Variants in GPC6 observed in about 807,000 individuals in gnomAD.
GPC6 encodes glypican-6.
GPC6 carries 14 observed loss-of-function variants against 55.2 expected under a neutral mutation model. That is an observed-to-expected ratio of 0.25 (90% CI 0.17 to 0.40). GPC6 has a LOEUF of 0.40. Among genes scored for constraint, GPC6 ranks in the 10% least tolerant of loss-of-function variants. The pLI, the probability that GPC6 is intolerant of heterozygous loss-of-function variation, is 1.00. For missense variants in GPC6, 641 were observed against 708.5 expected (o/e 0.90, Z 1.08); for synonymous variants, 278 against 259.6 (o/e 1.07, Z -0.68).
chr13:93,232,556 T>C (rs544201598), intron 1 of GPC6, among the ~76,000 whole-genome samples: 3 of 152,316 alleles, frequency 2.0e-5, no homozygotes, highest in African/African-American at 7.2e-5. Flanking sequence ...TTGAGTTGAC[T>C]GATATACTTT....
intron 1 of GPC6, among the ~76,000 whole-genome samples, chr13:93,460,155 T>C (rs1386791891): frequency 6.6e-6 from 1 of 152,228 alleles, no homozygotes; most frequent in East Asian, 1.9e-4. Context: ...TTAAAGTCAT[T>C]CTGCCCAGTT....
At chr13:94,236,798 A>G (rs1207431457) in intron 4 of GPC6, among the ~76,000 whole-genome samples, 1 of 152,110 alleles carries the variant, frequency 6.6e-6, no homozygotes, top group Non-Finnish European at 1.5e-5. Context: ...CTGAGGTAGA[A>G]AAAGTGAGGC....
rs115199319 is a variant in GPC6 at position 93,503,287 on chromosome 13, T to C, written c.161-41976T>C. Among the ~76,000 whole-genome samples the C allele has an allele frequency of 8.9e-3, 1,356 of 152,264 alleles. 24 individuals carry two copies. Among genetic ancestry groups the C allele is most frequent in the African/African-American group, 0.03 (1,251 of 41,542 alleles). ...CTTTGTTGTCTCACACAAGTTTATT[T>C]CTTGCTCACACAAGTTATTTGTTGC... On this transcript the variant is annotated intron_variant, in intron 1 of 8. Transcript: ENST00000377047.
intron 2 of GPC6, among the ~76,000 whole-genome samples, chr13:93,761,868 A>G (rs1489186693): frequency 1.3e-5 from 2 of 152,256 alleles, no homozygotes; most frequent in Admixed American, 6.5e-5. Flanking sequence ...TTTTTTTGTG[A>G]TGAGAACATT....
At chr13:94,182,191 T>A (rs1206121570) in intron 4 of GPC6, among the ~76,000 whole-genome samples, 1 of 150,802 alleles carries the variant, frequency 6.6e-6, no homozygotes, top group African/African-American at 2.4e-5. Flanking sequence ...TGGAGTAACT[T>A]AGGTCTCAGA....
chr13:93,428,486 A>G (rs1474965479), intron 1 of GPC6, among the ~76,000 whole-genome samples: 1 of 152,114 alleles, frequency 6.6e-6, no homozygotes, highest in Non-Finnish European at 1.5e-5. Flanking sequence ...TTAGAATATC[A>G]TCTGTTGAAA....
chr13:94,177,004 G>A lies in GPC6; in HGVS notation c.878-109345G>A, dbSNP rs1253262116. Among the ~76,000 whole-genome samples, 4 of 152,134 alleles carry A rather than the reference G, an allele frequency of 2.6e-5. No homozygotes were observed. In the East Asian group the frequency reaches 7.7e-4, roughly 29 times the overall value. ...AAATGCTTTAAAACTATTTTTAAAA[G>A]ACAGAAAAATGAGAATAAACTTGCA... is the stretch of plus-strand genomic sequence containing the variant. On this transcript the variant is annotated intron_variant, in intron 4 of 8. Transcript: ENST00000377047.
intron 3 of GPC6, among the ~76,000 whole-genome samples, chr13:93,841,356 G>A (rs1175350298): frequency 6.6e-6 from 1 of 152,118 alleles, no homozygotes; most frequent in African/African-American, 2.4e-5. Flanking sequence ...AAAGAGGGGG[G>A]TATGTTATTA....
At chr13:93,483,785 T>C (rs528388474) in intron 1 of GPC6, among the ~76,000 whole-genome samples, 1 of 152,282 alleles carries the variant, frequency 6.6e-6, no homozygotes, top group African/African-American at 2.4e-5. Context: ...TGCATTGTGC[T>C]ATTAGCCCAC....
intron 1 of GPC6, among the ~76,000 whole-genome samples, chr13:93,421,405 A>G (rs1451603923): frequency 2.0e-5 from 3 of 151,670 alleles, no homozygotes; most frequent in Admixed American, 2.0e-4. Flanking sequence ...CATTATTGTT[A>G]TTTTGTTTTA....
chr13:94,293,250 A>G (rs545824599), intron 5 of GPC6, among the ~76,000 whole-genome samples: 1 of 152,294 alleles, frequency 6.6e-6, no homozygotes, highest in African/African-American at 2.4e-5. Flanking sequence ...CCCAAATGTC[A>G]TCTCTGAATT....
intron 3 of GPC6, among the ~76,000 whole-genome samples, chr13:93,839,659 G>C (rs1190295475): frequency 1.3e-5 from 2 of 152,038 alleles, no homozygotes; most frequent in Non-Finnish European, 2.9e-5. Context: ...GATACCATGG[G>C]CCCAACTTGA....
At chr13:93,314,107 G>A (rs1594090433) in intron 1 of GPC6, among the ~76,000 whole-genome samples, 1 of 152,072 alleles carries the variant, frequency 6.6e-6, no homozygotes, top group Admixed American at 6.6e-5. Flanking sequence ...GATGCCTTTT[G>A]TCATTAGTTC....
intron 2 of GPC6, among the ~76,000 whole-genome samples, chr13:93,600,949 CAAA>C (rs1196219049): frequency 7.4e-5 from 2 of 27,022 alleles, no homozygotes; most frequent in Non-Finnish European, 8.1e-5. Context: ...AATTCCGCCT[CAAA>C]AAAAAAAAAA....
intron 4 of GPC6, among the ~76,000 whole-genome samples, chr13:94,083,970 G>A (rs1443598300): frequency 6.6e-6 from 1 of 152,094 alleles, no homozygotes; most frequent in Non-Finnish European, 1.5e-5. Flanking sequence ...AGTGGAATAA[G>A]GAATAACTTA....
At chr13:94,103,466 TC>T (rs971120831) in intron 4 of GPC6, among the ~76,000 whole-genome samples, 3 of 152,208 alleles carry the variant, frequency 2.0e-5, no homozygotes, top group Non-Finnish European at 4.4e-5. Context: ...TGCCACACTG[TC>T]TTCCACAATA....
chr13:94,402,977 C>T lies in GPC6; in HGVS notation c.1466-38C>T, dbSNP rs764352248. 7.1e-6 allele frequency: 10 copies of T among 1,401,522 alleles called. No individual in the cohort carries two copies. In the South Asian group the frequency reaches 9.2e-5, roughly 13 times the overall value. 86.8% of individuals were successfully genotyped at this position (1,401,522 alleles called of 1,614,324 possible). On this transcript the variant is annotated intron_variant, in intron 8 of 8. Transcript: ENST00000377047. ...GTGGGGCCACAAAGCCTAAACATAT[C>T]AGTGGTCTAACTTTCTTTTTCAATC...
rs140957148 is a variant in GPC6, at chr13:94,175,986, A to AGCGC, written c.878-110362_878-110361insCGCG. Among the ~76,000 whole-genome samples the AGCGC allele has an allele frequency of 3.0e-5, 4 of 131,206 alleles. No individual in the cohort carries two copies. The South Asian group carries it at 1.0e-3, about 34-fold the overall frequency. The allele number at this position is 131,206 out of a possible 152,430, so 86.1% of individuals were successfully genotyped here. ...GAGAGAGAGAGAGAGAGAGAGAGAGAGAGAGAGCGAGCTTGTCCAATGGAG... is the reference window on the plus strand; with the variant it reads ...GAGAGAGAGAGAGAGAGAGAGAGAGAGCGCGAGAGAGCGAGCTTGTCCAATGGAG... On this transcript the variant is annotated intron_variant, in intron 4 of 8. Coordinates refer to ENST00000377047, the MANE Select transcript of GPC6 (RefSeq NM_005708.5).
rs531161574 is a variant in GPC6 at position 94,407,943 on chromosome 13, G to A, written c.*4726G>A. ...AGTTGAAAATTATTCATTCCTTAAT[G>A]CAGCTAATCATAATTATTACAGATA... On this transcript the variant is annotated 3_prime_UTR_variant, in exon 9 of 9. Transcript: ENST00000377047. Among the ~76,000 whole-genome samples the A allele has an allele frequency of 6.6e-6, 1 of 152,176 alleles. No homozygotes were observed. Among genetic ancestry groups the A allele is most frequent in the African/African-American group, 2.4e-5 (1 of 41,524 alleles).
Sources: gnomAD v4.1 joint callset for allele counts (sites outside exome capture counted in the v4.1 genomes callset) on GRCh38, gnomAD v4.1.1 for gene constraint, MANE v1.5 for transcripts, NCBI Gene and HGNC (gene_info 2026-07-23, HGNC 2026-07-21) for gene names.